The following SH3RF3 variants were observed in gnomAD, a reference collection of about 807,000 sequenced individuals.
SH3RF3 encodes E3 ubiquitin-protein ligase SH3RF3.
Under a neutral mutation model 66.3 loss-of-function variants are expected in SH3RF3, and 29 were observed. The ratio of observed to expected loss-of-function variants is 0.44; its 90% CI spans 0.33 to 0.60. The LOEUF (loss-of-function observed/expected upper bound fraction) is 0.60. Ranked by LOEUF, SH3RF3 falls within the 20% of genes least tolerant of loss-of-function variation. The pLI is 0.04. For missense variants in SH3RF3, 1,194 were observed against 1,190.9 expected, an observed-to-expected ratio of 1.00 and a Z score of -0.04; for synonymous variants, 583 against 532.0, an observed-to-expected ratio of 1.10 and a Z score of -1.32.
chr2:109,475,951 C>T (rs1475940836), intron 8 of SH3RF3, among the ~76,000 whole-genome samples: 2 of 152,190 alleles, frequency 1.3e-5, no homozygotes, highest in Non-Finnish European at 2.9e-5. Context: ...CCAAAAACTT[C>T]CTGTGGTGAA....
intron 1 of SH3RF3, among the ~76,000 whole-genome samples, chr2:109,176,486 CTT>C (rs1677917773): frequency 6.6e-6 from 1 of 152,122 alleles, no homozygotes; most frequent in Admixed American, 6.5e-5. Context: ...AATCCTAACA[CTT>C]TGTGGGGCCA....
chr2:109,281,175 G>A (rs1335753911), intron 1 of SH3RF3, among the ~76,000 whole-genome samples: 1 of 152,256 alleles, frequency 6.6e-6, no homozygotes, highest in African/African-American at 2.4e-5. Context: ...AATGCAGTGA[G>A]TCACGGTTCT....
intron 1 of SH3RF3, among the ~76,000 whole-genome samples, chr2:109,312,668 G>T (rs193292939): frequency 4.7e-4 from 72 of 152,236 alleles, no homozygotes; most frequent in African/African-American, 1.7e-3. Flanking sequence ...TCGTATTTTC[G>T]AAGTTCATCC....
chr2:109,183,583 T>TTA (rs1678118541), intron 1 of SH3RF3, among the ~76,000 whole-genome samples: 1 of 117,530 alleles, frequency 8.5e-6, no homozygotes, highest in African/African-American at 3.5e-5. Flanking sequence ...CAATTCAGCC[T>TTA]TAACTTTTAT....
chr2:109,269,330 T>TC (rs1162557006), intron 1 of SH3RF3, among the ~76,000 whole-genome samples: 2 of 152,004 alleles, frequency 1.3e-5, no homozygotes, highest in African/African-American at 2.4e-5. Context: ...AACCTTGCCT[T>TC]CCCCCCGGGA....
At chr2:109,447,662 C>T (rs1034843547) in intron 7 of SH3RF3, among the ~76,000 whole-genome samples, 7 of 152,184 alleles carry the variant, frequency 4.6e-5, no homozygotes, top group Non-Finnish European at 1.0e-4. Context: ...CACCATTCCC[C>T]TGGGGCCGTT....
intron 8 of SH3RF3, among the ~76,000 whole-genome samples, chr2:109,458,572 CAGAG>C (rs70958708): frequency 0.018 from 2,249 of 122,998 alleles, 66 homozygotes; most frequent in African/African-American, 0.053. Context: ...CAGCAGGAGA[CAGAG>C]AGAGAGAGAG....
At chr2:109,404,231 C>A (rs1249291969) in intron 4 of SH3RF3, among the ~76,000 whole-genome samples, 2 of 152,174 alleles carry the variant, frequency 1.3e-5, no homozygotes, top group Non-Finnish European at 2.9e-5. Context: ...CCTGAAATAT[C>A]CACTGTCAAG....
intron 4 of SH3RF3, among the ~76,000 whole-genome samples, chr2:109,400,739 C>A (rs1559063454): frequency 6.6e-6 from 1 of 152,184 alleles, no homozygotes. Context: ...CTCTCATCGG[C>A]GGCTGAGGCT....
At chr2:109,447,147 T>TAAAAAAAAAAAAAAAAA (rs61240132) in intron 7 of SH3RF3, among the ~76,000 whole-genome samples, 19 of 82,526 alleles carry the variant, frequency 2.3e-4, no homozygotes, top group Non-Finnish European at 3.2e-4. Context: ...CCTGAATATT[T>TAAAAAAAAAAAAAAAAA]AAAAAAAAAA....
chr2:109,270,691 G>T (rs987745113), intron 1 of SH3RF3, among the ~76,000 whole-genome samples: 3 of 152,212 alleles, frequency 2.0e-5, no homozygotes, highest in African/African-American at 4.8e-5. Context: ...GGCCACGCAG[G>T]TGGTGTCTGG....
At chr2:109,420,417 A>AT (rs1291448492) in intron 5 of SH3RF3, among the ~76,000 whole-genome samples, 2 of 151,910 alleles carry the variant, frequency 1.3e-5, no homozygotes, top group Non-Finnish European at 2.9e-5. Context: ...ACAGAACAGG[A>AT]TTTTTTGTTG....
rs376695797 is a variant in SH3RF3, at chr2:109,501,641, C to T, written c.2619C>T (p.Leu873=). 1.2e-5 allele frequency: 9 copies of T among 775,692 alleles called. No individual in the cohort carries two copies. In the African/African-American group the frequency reaches 1.5e-4, roughly 13 times the overall value. 48.1% of individuals were successfully genotyped at this position (775,692 alleles called of 1,614,324 possible). A position where few individuals can be genotyped will look rare whatever the true frequency, so the allele number is the denominator to read the frequency against. ...TGCAGCGGAACGGCCGCACAGGCCTCTTCCCGGGCAGCTTCGTCGAGAGCT... is the reference window on the plus strand; with the variant it reads ...TGCAGCGGAACGGCCGCACAGGCCTTTTCCCGGGCAGCTTCGTCGAGAGCT... The part of the protein sequence containing the change: ...GTLQRNGRTG[L]FPGSFVESF Residue 873 remains leucine (L), a synonymous_variant, in exon 10 of 10, where the codon CTC becomes CTT. Coordinates refer to ENST00000309415, the MANE Select transcript of SH3RF3 (RefSeq NM_001099289.3).
chr2:109,374,064 C>T (rs1274721748), intron 3 of SH3RF3, among the ~76,000 whole-genome samples: 3 of 152,182 alleles, frequency 2.0e-5, no homozygotes, highest in Non-Finnish European at 4.4e-5. Context: ...CACCTTAAAG[C>T]CCTCCTCCCT....
intron 1 of SH3RF3, among the ~76,000 whole-genome samples, chr2:109,275,707 C>T (rs1680740144): frequency 6.6e-6 from 1 of 152,202 alleles, no homozygotes; most frequent in Non-Finnish European, 1.5e-5. Context: ...AGGTTCATTC[C>T]TCATCTCGCT....
chr2:109,493,494 C>T (rs1034512096), intron 9 of SH3RF3, among the ~76,000 whole-genome samples: 69 of 151,782 alleles, frequency 4.5e-4, no homozygotes, highest in Non-Finnish European at 8.4e-4. Context: ...CCACATACAC[C>T]ATACAAACAC....
intron 1 of SH3RF3, among the ~76,000 whole-genome samples, chr2:109,208,406 T>C (rs1442957478): frequency 6.6e-6 from 1 of 152,220 alleles, no homozygotes; most frequent in Non-Finnish European, 1.5e-5. Context: ...ATGCTTCCTG[T>C]ATCTTGGAAC....
chr2:109,257,013 G>A (rs1195159412), intron 1 of SH3RF3, among the ~76,000 whole-genome samples: 1 of 152,190 alleles, frequency 6.6e-6, no homozygotes, highest in Non-Finnish European at 1.5e-5. Context: ...GACCAGGCAC[G>A]GGTCACATTG....
intron 3 of SH3RF3, among the ~76,000 whole-genome samples, chr2:109,382,551 T>C (rs55879811): frequency 0.027 from 4,091 of 152,268 alleles, 90 homozygotes; most frequent in Non-Finnish European, 0.038. Flanking sequence ...GCCTCAGCAA[T>C]CTTAAAACAG....
Sources: allele counts gnomAD v4.1 joint callset (sites outside exome capture counted in the v4.1 genomes callset), GRCh38; gene constraint gnomAD v4.1.1; transcripts MANE v1.5; gene names NCBI Gene and HGNC (gene_info 2026-07-23, HGNC 2026-07-21).